ITGB3: variants seen among roughly 807,000 people sequenced by gnomAD.
ITGB3 encodes integrin subunit beta 3, also known as integrin beta-3.
A neutral mutation model predicts 85.8 loss-of-function variants in ITGB3; 48 were observed. The observed-to-expected ratio is 0.56, with a 90% CI of 0.44 to 0.71. ITGB3 has a LOEUF of 0.71. Ranked by LOEUF, ITGB3 falls within the 30% of genes least tolerant of loss-of-function variation. The pLI is 0.00. For missense variants in ITGB3, 861 were observed against 1,019.1 expected, an observed-to-expected ratio of 0.84 and a Z score of 2.11; for synonymous variants, 363 against 395.6, an observed-to-expected ratio of 0.92 and a Z score of 0.98.
chr17:47,287,911 C>CTT (rs60463106), intron 6 of ITGB3, among the ~76,000 whole-genome samples: 2,289 of 55,370 alleles, frequency 0.041, 365 homozygotes, highest in East Asian at 0.095. Flanking sequence ...ACCACCCCTG[C>CTT]TTTTTTTTTT....
At chr17:47,290,860 C>T (rs538218778) in intron 8 of ITGB3, 94 bp from the exon 9 acceptor site, 4 of 1,464,438 alleles carry the variant, frequency 2.7e-6, no homozygotes, top group Non-Finnish European at 3.8e-6. Flanking sequence ...TCCAGAGCTA[C>T]TTGCCAGATT....
At chr17:47,284,386 GC>G in intron 3 of ITGB3, 56 bp from the exon 4 acceptor site, 1 of 1,609,036 alleles carries the variant, frequency 6.2e-7, no homozygotes, top group Non-Finnish European at 8.5e-7. Context: ...ATCCAAATCT[GC>G]TTATTCAATC....
chr17:47,305,174 G>T (rs1437137918), intron 13 of ITGB3, among the ~76,000 whole-genome samples: 1 of 152,096 alleles, frequency 6.6e-6, no homozygotes, highest in Non-Finnish European at 1.5e-5. Flanking sequence ...GATAATTGAG[G>T]GTCAGCCCTA....
intron 2 of ITGB3, among the ~76,000 whole-genome samples, chr17:47,275,880 C>T (rs1005971746): frequency 2.6e-5 from 4 of 152,158 alleles, no homozygotes; most frequent in African/African-American, 9.7e-5. Context: ...GAGACCTTCT[C>T]CCCCACCCCC....
intron 1 of ITGB3, among the ~76,000 whole-genome samples, chr17:47,254,448 C>T (rs185638175): frequency 1.2e-4 from 19 of 152,326 alleles, no homozygotes; most frequent in Admixed American, 6.5e-4. Flanking sequence ...TACGCTTTCT[C>T]CAGAAGGTTT....
In ITGB3 at chr17:47,290,993, C is replaced by G; in HGVS notation, c.1165C>G (p.Pro389Ala). The change falls in exon 9 of 15, where the codon CCT becomes GCT. Residue 389 changes from proline (P) to alanine (A), a missense_variant. Transcript: ENST00000559488. ...SKVELEVRDLPEELSLSFNAT... is the reference protein window; with the variant it reads ...SKVELEVRDLAEELSLSFNAT... ...AGTAGAGCTGGAAGTGCGTGACCTC[C>G]CTGAAGAGTTGTCTCTATCCTTCAA... 6.2e-7 allele frequency: 1 copy of G among 1,614,078 alleles called. No individual in the cohort carries two copies. Among genetic ancestry groups the G allele is most frequent in the Non-Finnish European group, 8.5e-7 (1 of 1,179,970 alleles).
At position 47,292,201 on chromosome 17, in the gene ITGB3, C is replaced by T; in HGVS notation, c.1323C>T (p.Thr441=). 1 of 1,614,200 alleles carries T rather than the reference C, an allele frequency of 6.2e-7. No homozygotes were observed. The change falls in exon 10 of 15, where the codon ACC becomes ACT. Residue 441 remains threonine, a synonymous_variant. Coordinates refer to ENST00000559488, the MANE Select transcript of ITGB3 (RefSeq NM_000212.3). ...CCCAGGAGAAGGAGAAGTCCTTTAC[C>T]ATAAAGCCCGTGGGCTTCAAGGACA... is the stretch of plus-strand genomic sequence containing the variant. The part of the protein sequence containing the change: ...GCPQEKEKSF[T]IKPVGFKDSL...
chr17:47,278,610 T>C (rs1567762980), intron 2 of ITGB3, among the ~76,000 whole-genome samples: 1 of 151,994 alleles, frequency 6.6e-6, no homozygotes, highest in Non-Finnish European at 1.5e-5. Context: ...CACTTATATT[T>C]GCATTTATTT....
chr17:47,274,614 C>T (rs1251616337), intron 2 of ITGB3, 110 bp downstream of exon 2: 1 of 905,618 alleles, frequency 1.1e-6, no homozygotes, highest in African/African-American at 1.6e-5. Flanking sequence ...CCCCTTATCC[C>T]TTCTAAGCAA....
chr17:47,291,386 T>G lies in ITGB3; in HGVS notation c.1260+298T>G, dbSNP rs77996015. On this transcript the variant is annotated intron_variant, in intron 9 of 14. Coordinates refer to ENST00000559488, the MANE Select transcript of ITGB3 (RefSeq NM_000212.3). ...CACAGTTGATTGCAAAGGAAAATAT[T>G]TCTTTACCTTCAGTCCCTCACCAGT... is the stretch of plus-strand genomic sequence containing the variant. The G allele has an allele frequency of 5.3e-3, 3,048 of 570,720 alleles. 88 individuals are homozygous for G. The highest frequency in any genetic ancestry group is 0.044 in the East Asian group (1,549 of 35,018). 35.4% of individuals were successfully genotyped at this position (570,720 alleles called of 1,614,324 possible). A position where few individuals can be genotyped will look rare whatever the true frequency, so the allele number is the denominator to read the frequency against.
At position 47,289,776 on chromosome 17, in the gene ITGB3, G is replaced by A; in HGVS notation, c.1035G>A (p.Gln345=). The A allele has an allele frequency of 1.2e-6, 2 of 1,610,992 alleles. No homozygotes were observed. The highest frequency in any genetic ancestry group is 1.7e-6 in the Non-Finnish European group (2 of 1,177,120). ...AVTENVVNLY[Q]NYSELIPGTT... is the part of the protein sequence containing the mutation. ...CTGAAAATGTAGTCAATCTCTATCA[G>A]GTGACTGTGCCTTCGGGCTTCCTGG... is the stretch of plus-strand genomic sequence containing the variant. Residue 345 remains glutamine, a splice_region_variant and synonymous_variant, in exon 7 of 15, where the codon CAG becomes CAA. Coordinates refer to ENST00000559488, the MANE Select transcript of ITGB3 (RefSeq NM_000212.3).
At chr17:47,285,042 G>A (rs1017537796) in intron 4 of ITGB3, among the ~76,000 whole-genome samples, 11 of 152,164 alleles carry the variant, frequency 7.2e-5, no homozygotes, top group African/African-American at 2.4e-4. Context: ...CAGAAGGATC[G>A]ATTCCATTGT....
chr17:47,287,255 G>T (rs751965644), intron 6 of ITGB3, 24 bp downstream of exon 6: 1 of 1,613,122 alleles, frequency 6.2e-7, no homozygotes, highest in South Asian at 1.1e-5. Flanking sequence ...CACCACCTAT[G>T]GTTTCTATTC....
chr17:47,283,657 G>A, intron 3 of ITGB3, 108 bp downstream of exon 3: 2 of 1,082,402 alleles, frequency 1.8e-6, no homozygotes, highest in South Asian at 1.3e-5. Context: ...ATGGAAATGG[G>A]GTGGGAAGAC....
intron 1 of ITGB3, among the ~76,000 whole-genome samples, chr17:47,266,603 G>A (rs574824015): frequency 4.6e-5 from 7 of 152,118 alleles, no homozygotes; most frequent in Admixed American, 6.5e-5. Flanking sequence ...TTTGAGGCAG[G>A]GTCTCACTTT....
intron 13 of ITGB3, 127 bp downstream of exon 13, chr17:47,302,967 G>A (rs1324368196): frequency 6.3e-6 from 7 of 1,104,604 alleles, no homozygotes; most frequent in East Asian, 2.6e-5. Flanking sequence ...TAAGTTAGGG[G>A]CCAGGTGTGG....
At chr17:47,308,078 AT>A (rs1241613896) in intron 14 of ITGB3, among the ~76,000 whole-genome samples, 1 of 151,238 alleles carries the variant, frequency 6.6e-6, no homozygotes, top group Non-Finnish European at 1.5e-5. Flanking sequence ...AAGCAGGAGG[AT>A]TGCTTGAACC....
chr17:47,290,364 A>T (rs2065120215), intron 8 of ITGB3, 90 bp downstream of exon 8: 3 of 1,078,048 alleles, frequency 2.8e-6, no homozygotes, highest in African/African-American at 1.5e-5. Flanking sequence ...CCCAGTTGCC[A>T]GTCTACCACA....
chr17:47,282,757 C>T (rs933184217), intron 2 of ITGB3, among the ~76,000 whole-genome samples: 13 of 152,212 alleles, frequency 8.5e-5, no homozygotes, highest in African/African-American at 3.1e-4. Context: ...CTCTGACCTA[C>T]AGAAAGAAAC....
Sources: allele counts gnomAD v4.1 joint callset (sites outside exome capture counted in the v4.1 genomes callset), GRCh38; gene constraint gnomAD v4.1.1; transcripts MANE v1.5; gene names NCBI Gene and HGNC (gene_info 2026-07-23, HGNC 2026-07-21).